The following ATP2C1 variants were observed in gnomAD, a reference collection of about 807,000 sequenced individuals.
ATP2C1 encodes ATPase secretory pathway Ca2+ transporting 1.
A neutral mutation model predicts 120.5 loss-of-function variants in ATP2C1; 31 were observed. The observed-to-expected ratio is 0.26, with a 90% CI of 0.19 to 0.35. The LOEUF is 0.35. ATP2C1 is among the 10% of genes least tolerant of loss of function. The pLI is 1.00. For synonymous variants in ATP2C1, 351 were observed against 358.7 expected (o/e 0.98, Z 0.24); for missense variants, 731 against 1,107.5 (o/e 0.66, Z 4.83).
At chr3:130,898,516 A>G (rs2069843774) in intron 2 of ATP2C1, among the ~76,000 whole-genome samples, 2 of 152,204 alleles carry the variant, frequency 1.3e-5, no homozygotes, top group Non-Finnish European at 2.9e-5. Flanking sequence ...AGTTTTGTCC[A>G]TAAAATGATA....
upstream of ATP2C1, among the ~76,000 whole-genome samples, chr3:130,892,377 CATT>C (rs775492061): frequency 3.9e-5 from 6 of 152,208 alleles, no homozygotes; most frequent in Admixed American, 6.5e-5. Context: ...AGATCACAAT[CATT>C]GTACAAATCA....
intron 8 of ATP2C1, among the ~76,000 whole-genome samples, chr3:130,951,446 A>G (rs2060366199): frequency 6.6e-6 from 1 of 152,166 alleles, no homozygotes; most frequent in Non-Finnish European, 1.5e-5. Flanking sequence ...ATAGATATGT[A>G]GCATAGTGCC....
intron 13 of ATP2C1, 39 bp downstream of exon 13, chr3:130,964,134 T>C: frequency 6.2e-7 from 1 of 1,609,042 alleles, no homozygotes; most frequent in East Asian, 2.2e-5. Context: ...CAATGATGCG[T>C]AAGTTTATGT....
At chr3:130,977,522 G>A (rs987519808) in intron 18 of ATP2C1, among the ~76,000 whole-genome samples, 3 of 152,096 alleles carry the variant, frequency 2.0e-5, no homozygotes, top group African/African-American at 7.2e-5. Flanking sequence ...TGGATTTAGA[G>A]GACTTAAAGA....
chr3:130,854,256 T>C (rs1334805647), intron 1 of ATP2C1: 2 of 152,222 alleles, frequency 1.3e-5, no homozygotes, highest in Admixed American at 1.3e-4. Context: ...ATTAATGAGA[T>C]GAAGATGCTG....
At chr3:130,921,564 A>G (rs2058968014) in intron 2 of ATP2C1, among the ~76,000 whole-genome samples, 2 of 152,084 alleles carry the variant, frequency 1.3e-5, no homozygotes. Flanking sequence ...GTTTTTTGCT[A>G]TTGAATATAA....
At chr3:130,941,784 CAT>C in intron 8 of ATP2C1, 85 bp downstream of exon 8, 2 of 1,150,268 alleles carry the variant, frequency 1.7e-6, no homozygotes, top group South Asian at 2.5e-5. Context: ...GGAATTAACA[CAT>C]AGTTGATTTG....
intron 16 of ATP2C1, among the ~76,000 whole-genome samples, chr3:130,968,498 G>C (rs775035122): frequency 1.3e-5 from 2 of 152,156 alleles, no homozygotes; most frequent in Non-Finnish European, 2.9e-5. Context: ...GAAGGGTTTA[G>C]ATGAGATAAG....
intron 20 of ATP2C1, among the ~76,000 whole-genome samples, chr3:130,988,070 C>T (rs1021566623): frequency 1.3e-5 from 2 of 152,146 alleles, no homozygotes; most frequent in African/African-American, 2.4e-5. Context: ...TTCACCAAGT[C>T]CCCATATTAT....
At chr3:130,986,952 G>A (rs1160571728) in intron 20 of ATP2C1, among the ~76,000 whole-genome samples, 1 of 145,732 alleles carries the variant, frequency 6.9e-6, no homozygotes, top group Non-Finnish European at 1.5e-5. Context: ...GTTTAGTTTA[G>A]TTTTAGAGAT....
At position 130,997,304 on chromosome 3, in the gene ATP2C1, G is replaced by A. The variant is rs574367008; in HGVS notation, c.2244-302G>A. 9.2e-5 allele frequency among the ~76,000 whole-genome samples: 14 copies of A among 152,204 alleles called. No individual in the cohort carries two copies. In the East Asian group the frequency reaches 1.4e-3, roughly 15 times the overall value. On this transcript the variant is annotated intron_variant, in intron 24 of 27. Coordinates refer to ENST00000510168, the MANE Select transcript of ATP2C1 (RefSeq NM_001378687.1). ...ATGAAAGATATTTCAAAATTCAGTC[G>A]GTAGGTCATGTATTTCACACCGTAT...
At chr3:130,985,924 T>C (rs1461803633) in intron 20 of ATP2C1, among the ~76,000 whole-genome samples, 1 of 152,224 alleles carries the variant, frequency 6.6e-6, no homozygotes, top group African/African-American at 2.4e-5. Context: ...TGATTCGATG[T>C]ACACTAACAT....
At chr3:130,945,225 T>G (rs1361277875) in intron 8 of ATP2C1, among the ~76,000 whole-genome samples, 1 of 152,218 alleles carries the variant, frequency 6.6e-6, no homozygotes, top group East Asian at 1.9e-4. Context: ...ATTTTAACTT[T>G]TAGTGTTGAG....
At position 130,959,352 on chromosome 3, in the gene ATP2C1, A is replaced by G. The variant is rs772857178; in HGVS notation, c.899+11A>G. On this transcript the variant is annotated intron_variant, in intron 12 of 27. Coordinates refer to ENST00000510168, the MANE Select transcript of ATP2C1 (RefSeq NM_001378687.1). ...TACTATTAGTGTAAGGTAAGTCTCA[A>G]TACTTTATAATTGGAGTCTCTTTTG... The G allele has an allele frequency of 1.9e-6, 3 of 1,574,382 alleles. No homozygotes were observed. The highest frequency in any genetic ancestry group is 1.1e-5 in the South Asian group (1 of 90,188).
chr3:130,866,250 T>A (rs1300490213), intron 1 of ATP2C1, among the ~76,000 whole-genome samples: 1 of 152,224 alleles, frequency 6.6e-6, no homozygotes, highest in East Asian at 1.9e-4. Context: ...ATAGTGAGAA[T>A]TGTGTAAAGC....
chr3:130,994,091 A>G lies in ATP2C1; in HGVS notation c.2050A>G (p.Thr684Ala). 1.9e-6 allele frequency: 3 copies of G among 1,614,062 alleles called. No individual in the cohort carries two copies. The highest frequency in any genetic ancestry group is 1.3e-5 in the African/African-American group (1 of 75,016). ...GATCCTAGTGGATGATGATTTTCAAACCATAATGTAAGCTTTGTTTCAGTG... is the reference window on the plus strand; with the variant it reads ...GATCCTAGTGGATGATGATTTTCAAGCCATAATGTAAGCTTTGTTTCAGTG... ...DMILVDDDFQTIMSAIEEGKG... is the reference protein window; with the variant it reads ...DMILVDDDFQAIMSAIEEGKG... The change falls in exon 22 of 28, where the codon ACC becomes GCC. Residue 684 changes from threonine (T) to alanine (A), a missense_variant. Thr to Ala is a moderately conservative substitution (Grantham distance 58). Around this residue, in one of 3 missense-constraint regions of ATP2C1, gnomAD observed 571 missense variants for 845.9 expected, o/e 0.67. Transcript: ENST00000510168.
At chr3:130,975,117 A>T (rs1394447831) in intron 17 of ATP2C1, among the ~76,000 whole-genome samples, 1 of 152,034 alleles carries the variant, frequency 6.6e-6, no homozygotes, top group African/African-American at 2.4e-5. Context: ...ATTGCCTTTT[A>T]TGTGTGGGAT....
chr3:130,865,082 C>G (rs2107736192), intron 1 of ATP2C1, among the ~76,000 whole-genome samples: 1 of 152,224 alleles, frequency 6.6e-6, no homozygotes, highest in Non-Finnish European at 1.5e-5. Context: ...GGAGGCTGTA[C>G]CCTGCAAAGC....
intron 20 of ATP2C1, among the ~76,000 whole-genome samples, chr3:130,990,223 G>A (rs951377405): frequency 4.7e-5 from 7 of 149,946 alleles, no homozygotes; most frequent in African/African-American, 1.7e-4. Context: ...CTGGCTTCAT[G>A]AGTCTTAGAA....
Sources: allele counts gnomAD v4.1 joint callset (sites outside exome capture counted in the v4.1 genomes callset), GRCh38; gene constraint gnomAD v4.1.1; regional missense constraint gnomAD v4.1.1; transcripts MANE v1.5; gene names NCBI Gene and HGNC (gene_info 2026-07-23, HGNC 2026-07-21).